The following DLG2 variants were observed in gnomAD, a reference collection of about 807,000 sequenced individuals.
DLG2 encodes disks large homolog 2.
Under a neutral mutation model 132.5 loss-of-function variants are expected in DLG2, and 45 were observed. The ratio of observed to expected loss-of-function variants is 0.34; its 90% CI spans 0.27 to 0.44. The LOEUF (loss-of-function observed/expected upper bound fraction) is 0.44, where lower values mean the gene tolerates loss of function less well. DLG2 is among the 20% of genes least tolerant of loss of function. DLG2 has a pLI of 1.00. For synonymous variants in DLG2, 424 were observed against 419.6 expected (o/e 1.01, Z -0.13); for missense variants, 1,045 against 1,196.9 (o/e 0.87, Z 1.87).
At position 83,934,530 on chromosome 11, in the gene DLG2, A is replaced by G. The variant is rs531882323; in HGVS notation, c.1341-4047T>C. ...CCCTGTATCAGAGATAATGTTTAAG[A>G]CAGTGATAATAATGACTGTGATTGT... On this transcript the variant is annotated intron_variant, in intron 14 of 27. Coordinates refer to ENST00000376104, the MANE Select transcript of DLG2 (RefSeq NM_001142699.3). Among the ~76,000 whole-genome samples the G allele has an allele frequency of 3.9e-5, 6 of 152,050 alleles. No individual in the cohort carries two copies. In the South Asian group the frequency reaches 8.3e-4, roughly 21 times the overall value.
chr11:83,983,082 A>G (rs1389860775), intron 11 of DLG2, among the ~76,000 whole-genome samples: 1 of 152,096 alleles, frequency 6.6e-6, no homozygotes, highest in Non-Finnish European at 1.5e-5. Context: ...ATGCATGCCC[A>G]TTGTTAAATG....
At chr11:85,177,573 C>T (rs950283509) in intron 4 of DLG2, among the ~76,000 whole-genome samples, 1 of 151,926 alleles carries the variant, frequency 6.6e-6, no homozygotes, top group Non-Finnish European at 1.5e-5. Flanking sequence ...GGATGCTGGG[C>T]TTGATACCTA....
At chr11:84,054,773 A>G (rs2154125095) in intron 11 of DLG2, among the ~76,000 whole-genome samples, 1 of 152,206 alleles carries the variant, frequency 6.6e-6, no homozygotes, top group East Asian at 1.9e-4. Flanking sequence ...TTTGCCACAA[A>G]TCACTGTTTC....
rs2092450814 is a variant in DLG2 at position 83,978,217 on chromosome 11, A to G, written c.1056+2289T>C. 2.0e-5 allele frequency among the ~76,000 whole-genome samples: 3 copies of G among 152,004 alleles called. No homozygotes were observed. In the South Asian group the frequency reaches 6.2e-4, roughly 31 times the overall value. ...GGAAACAAAACAAAAAATTTAAACA[A>G]AACTTCAAGAAATAAGCACATAGCA... On this transcript the variant is annotated intron_variant, in intron 12 of 27. Coordinates refer to ENST00000376104, the MANE Select transcript of DLG2 (RefSeq NM_001142699.3).
chr11:83,641,121 G>A, intron 18 of DLG2, among the ~76,000 whole-genome samples: 1 of 152,074 alleles, frequency 6.6e-6, no homozygotes, highest in East Asian at 1.9e-4. Flanking sequence ...ATGAATAAAA[G>A]CATCTTTTTC....
At chr11:85,186,287 C>A (rs1240262116) in intron 4 of DLG2, among the ~76,000 whole-genome samples, 1 of 151,806 alleles carries the variant, frequency 6.6e-6, no homozygotes, top group African/African-American at 2.4e-5. Context: ...AAACTATTAC[C>A]ATTTCTACAT....
intron 7 of DLG2, among the ~76,000 whole-genome samples, chr11:84,267,129 A>G (rs1598698862): frequency 1.3e-5 from 2 of 152,348 alleles, no homozygotes; most frequent in South Asian, 2.1e-4. Flanking sequence ...CTTACTGGCC[A>G]CAAGATTTTA....
At chr11:84,086,217 T>A (rs2096977528) in intron 10 of DLG2, among the ~76,000 whole-genome samples, 1 of 152,178 alleles carries the variant, frequency 6.6e-6, no homozygotes, top group African/African-American at 2.4e-5. Context: ...AAATAAATTG[T>A]ATCTTTAAAT....
intron 8 of DLG2, among the ~76,000 whole-genome samples, chr11:84,218,361 A>AGAGAAAGG (rs1229744163): frequency 3.2e-5 from 3 of 93,788 alleles, no homozygotes; most frequent in African/African-American, 8.5e-5. Context: ...AGAGAGAGCG[A>AGAGAAAGG]GAGAAAGGGA....
chr11:83,673,271 A>G (rs564634513), intron 18 of DLG2, among the ~76,000 whole-genome samples: 1 of 152,346 alleles, frequency 6.6e-6, no homozygotes, highest in East Asian at 1.9e-4. Flanking sequence ...TCATTAATAA[A>G]TAGGCTCGCT....
intron 7 of DLG2, among the ~76,000 whole-genome samples, chr11:84,363,162 C>A (rs1320601697): frequency 6.6e-6 from 1 of 151,802 alleles, no homozygotes; most frequent in Non-Finnish European, 1.5e-5. Context: ...CACATCCTCT[C>A]CAGCACCTGT....
At chr11:83,972,156 A>ATT (rs2091458558) in intron 12 of DLG2, among the ~76,000 whole-genome samples, 1 of 152,176 alleles carries the variant, frequency 6.6e-6, no homozygotes. Flanking sequence ...TAATATTCAT[A>ATT]TGTTAAACCT....
chr11:83,849,911 C>G (rs542732127), intron 16 of DLG2, among the ~76,000 whole-genome samples: 2 of 152,166 alleles, frequency 1.3e-5, no homozygotes, highest in East Asian at 3.9e-4. Flanking sequence ...AAATGTCTAG[C>G]AAACAAGGTA....
chr11:83,884,847 G>A (rs1042553245), intron 15 of DLG2, among the ~76,000 whole-genome samples: 1 of 152,192 alleles, frequency 6.6e-6, no homozygotes, highest in African/African-American at 2.4e-5. Flanking sequence ...GGTCTGGAGT[G>A]GACCTCTAGC....
At chr11:84,858,858 C>T (rs1209700369) in intron 6 of DLG2, among the ~76,000 whole-genome samples, 2 of 151,816 alleles carry the variant, frequency 1.3e-5, no homozygotes, top group African/African-American at 4.8e-5. Flanking sequence ...AATTAGTTCT[C>T]TTTTTAATAA....
intron 14 of DLG2, among the ~76,000 whole-genome samples, chr11:83,956,788 T>C (rs1441731417): frequency 2.0e-5 from 3 of 152,256 alleles, no homozygotes. Context: ...TGAGGTGTTG[T>C]CTGATCCTTC....
At chr11:83,591,107 T>G (rs1225431077) in intron 19 of DLG2, among the ~76,000 whole-genome samples, 1 of 151,472 alleles carries the variant, frequency 6.6e-6, no homozygotes, top group African/African-American at 2.4e-5. Context: ...TTCCAATCAA[T>G]AGAAAAAGAG....
chr11:83,833,537 A>G (rs1024129798), intron 17 of DLG2, 77 bp downstream of exon 17: 209 of 1,422,228 alleles, frequency 1.5e-4, no homozygotes, highest in Admixed American at 2.1e-4. Flanking sequence ...TGCTTTTGGT[A>G]TCATAATTGA....
intron 14 of DLG2, among the ~76,000 whole-genome samples, chr11:83,945,079 G>A (rs2083496222): frequency 6.6e-6 from 1 of 152,104 alleles, no homozygotes; most frequent in African/African-American, 2.4e-5. Flanking sequence ...CCTTTAATCT[G>A]TACAACAACA....
Sources: allele counts gnomAD v4.1 joint callset (sites outside exome capture counted in the v4.1 genomes callset), GRCh38; gene constraint gnomAD v4.1.1; transcripts MANE v1.5; gene names NCBI Gene and HGNC (gene_info 2026-07-23, HGNC 2026-07-21).